Variants in ZNF469 observed in about 807,000 individuals in gnomAD.
ZNF469 encodes zinc finger protein 469.
In ZNF469, 1 loss-of-function variant was observed where a neutral mutation model predicts 1.0. That is an observed-to-expected ratio of 1.00 (90% CI 0.35 to 4.73). ZNF469 has a LOEUF of 4.73. Among genes scored for constraint, ZNF469 ranks in the 30% most tolerant of loss-of-function variants. The probability of loss-of-function intolerance (pLI) is 0.16; values close to 1 mark genes in which losing one functional copy is unlikely to be tolerated. For missense variants in ZNF469, 6,100 were observed against 5,356.3 expected (o/e 1.14, Z -4.33); for synonymous variants, 2,703 against 2,363.4 (o/e 1.14, Z -4.17).
chr16:88,337,521 C>T, the ZNF469 span, among the ~76,000 whole-genome samples: 11 of 152,308 alleles, frequency 7.2e-5, no homozygotes, highest in East Asian at 1.9e-4. Flanking sequence ...TTTGCACGGA[C>T]GTGTTTTCAA....
the ZNF469 span, among the ~76,000 whole-genome samples, chr16:88,190,325 G>T: frequency 6.6e-6 from 1 of 152,262 alleles, no homozygotes; most frequent in Non-Finnish European, 1.5e-5. Context: ...ACTTGCCTGG[G>T]TAGTGGCTGA....
chr16:88,138,150 A>T, the ZNF469 span, among the ~76,000 whole-genome samples: 4 of 152,248 alleles, frequency 2.6e-5, no homozygotes, highest in South Asian at 6.2e-4. Context: ...AGAATGTTCC[A>T]TGGACTCTTT....
At chr16:88,322,765 C>T in the ZNF469 span, among the ~76,000 whole-genome samples, 3 of 152,204 alleles carry the variant, frequency 2.0e-5, no homozygotes, top group Non-Finnish European at 4.4e-5. Context: ...AGGCCCTCCC[C>T]GTGCCCACCC....
chr16:88,129,324 C>T, the ZNF469 span, among the ~76,000 whole-genome samples: 10 of 152,284 alleles, frequency 6.6e-5, no homozygotes, highest in African/African-American at 9.6e-5. Flanking sequence ...CGGGGTCTGG[C>T]GGGCAGGAGG....
chr16:88,337,316 T>C, the ZNF469 span, among the ~76,000 whole-genome samples: 1 of 152,210 alleles, frequency 6.6e-6, no homozygotes, highest in Non-Finnish European at 1.5e-5. Context: ...CTGATGGTTT[T>C]ATAGGGGAGC....
At chr16:88,292,590 C>T in the ZNF469 span, among the ~76,000 whole-genome samples, 4 of 151,642 alleles carry the variant, frequency 2.6e-5, no homozygotes, top group Admixed American at 6.6e-5. Flanking sequence ...ACAGCTAAGT[C>T]GGGTGGGTGG....
At chr16:88,378,295 C>G (rs1038836114), upstream of ZNF469, among the ~76,000 whole-genome samples, 16 of 152,208 alleles carry the variant, frequency 1.1e-4, no homozygotes, top group African/African-American at 3.9e-4. Flanking sequence ...TCTGCAGCAT[C>G]CAGACCCAAA....
At chr16:88,249,423 CTTTTTCT>C in the ZNF469 span, among the ~76,000 whole-genome samples, 444 of 61,764 alleles carry the variant, frequency 7.2e-3, no homozygotes, top group African/African-American at 0.028. Context: ...CTTTCTTTTT[CTTTTTCT>C]TTTTTTTTTT....
rs893493828 is a variant in ZNF469 at position 88,436,829 on chromosome 16, G to T, written c.9359G>T (p.Cys3120Phe). Reference sequence around the variant, plus strand: ...CGGGCCTCCTACAAGTGCAAAGTGTGCTTCCAGCGCTTCCGCAGCCTGGGC... The same window carrying T: ...CGGGCCTCCTACAAGTGCAAAGTGTTCTTCCAGCGCTTCCGCAGCCTGGGC... ...GRRASYKCKV[C>F]FQRFRSLGEL... The change falls in exon 3 of 3, where the codon TGC (cysteine) becomes TTC (phenylalanine). Residue 3120 changes from cysteine to phenylalanine, a missense_variant. Coordinates refer to ENST00000565624, the MANE Select transcript of ZNF469 (RefSeq NM_001367624.2). 6.5e-6 allele frequency: 10 copies of T among 1,535,466 alleles called. No individual in the cohort carries two copies. Among genetic ancestry groups the T allele is most frequent in the African/African-American group, 4.1e-5 (3 of 72,952 alleles).
At position 88,424,723 on chromosome 16, in the gene ZNF469, C is replaced by G. The variant is rs1014561247; in HGVS notation, c.-191-84C>G. Among the ~76,000 whole-genome samples, 2 of 152,112 alleles carry G rather than the reference C, an allele frequency of 1.3e-5. No homozygotes were observed. Among genetic ancestry groups the G allele is most frequent in the African/African-American group, 4.8e-5 (2 of 41,420 alleles). ...CAGCCGGCTCTGCCCAGGAGCCGCT[C>G]CCTCCCACCTGGCTTCTCCTCGGGC... On this transcript the variant is annotated intron_variant, in intron 1 of 2. Transcript: ENST00000565624. The surrounding 1 kb of genome is among the most constrained non-coding windows in gnomAD (Gnocchi z 4.3).
the ZNF469 span, among the ~76,000 whole-genome samples, chr16:88,105,412 CTCCT>C: frequency 1.3e-5 from 2 of 150,758 alleles, no homozygotes; most frequent in Non-Finnish European, 2.9e-5. Context: ...TCAAGGGATT[CTCCT>C]GTCTCAGTCT....
chr16:88,223,990 A>C, the ZNF469 span, among the ~76,000 whole-genome samples: 1 of 152,160 alleles, frequency 6.6e-6, no homozygotes, highest in Non-Finnish European at 1.5e-5. Flanking sequence ...TTAGTTTTCC[A>C]TTCGCCCAGT....
Position 88,429,826 on chromosome 16 carries a change from G to T in ZNF469, c.2356G>T (p.Ala786Ser). 6.5e-7 allele frequency: 1 copy of T among 1,546,366 alleles called. No individual in the cohort carries two copies. The highest frequency in any genetic ancestry group is 1.2e-5 in the South Asian group (1 of 83,988). ...PPAAPRVPADAHAGLLSHAKT... is the reference protein window; with the variant it reads ...PPAAPRVPADSHAGLLSHAKT... ...CGCTGCCCCCAGAGTCCCTGCCGAC[G>T]CACACGCGGGCTTGCTCAGCCACGC... Residue 786 changes from alanine to serine, a missense_variant, in exon 3 of 3, where the codon GCA (alanine) becomes TCA (serine). Coordinates refer to ENST00000565624, the MANE Select transcript of ZNF469 (RefSeq NM_001367624.2).
At chr16:88,272,343 T>G in the ZNF469 span, among the ~76,000 whole-genome samples, 1 of 127,472 alleles carries the variant, frequency 7.8e-6, no homozygotes. Context: ...GATGGGTGGA[T>G]GAATGAGTGG....
the ZNF469 span, among the ~76,000 whole-genome samples, chr16:88,245,803 C>A: frequency 6.6e-6 from 1 of 152,280 alleles, no homozygotes; most frequent in South Asian, 2.1e-4. Context: ...CCACCAGACA[C>A]TAGAACAAAG....
chr16:88,137,661 G>A, the ZNF469 span, among the ~76,000 whole-genome samples: 1 of 152,240 alleles, frequency 6.6e-6, no homozygotes, highest in Non-Finnish European at 1.5e-5. Flanking sequence ...ACCACCATGT[G>A]TGCCTGTAAC....
upstream of ZNF469, among the ~76,000 whole-genome samples, chr16:88,381,495 G>A (rs908045889): frequency 6.6e-6 from 1 of 152,208 alleles, no homozygotes; most frequent in East Asian, 1.9e-4. Context: ...GAAACGAGAA[G>A]GAAGGAAACG....
chr16:88,152,916 G>C, the ZNF469 span, among the ~76,000 whole-genome samples: 5 of 152,288 alleles, frequency 3.3e-5, no homozygotes, highest in East Asian at 7.7e-4. The surrounding 1 kb of genome is among the most constrained non-coding windows in gnomAD (Gnocchi z 4.2). Context: ...TCTGTCAAGG[G>C]GATCAGCTCC....
At position 88,437,464 on chromosome 16, in the gene ZNF469, T is replaced by C; in HGVS notation, c.9994T>C (p.Cys3332Arg). The change falls in exon 3 of 3, where the codon TGC becomes CGC. Residue 3332 changes from cysteine to arginine, a missense_variant. By Grantham distance (180) the Cys-to-Arg change is radical. Transcript: ENST00000565624. ...GCAAGCCACCCCGGTGCACGAGGCC[T>C]GCAAGGACCCCTCCCGCGACTGCCA... ...LLQATPVHEA[C>R]KDPSRDCHHC... 6.5e-7 allele frequency: 1 copy of C among 1,533,140 alleles called. No individual in the cohort carries two copies. The highest frequency in any genetic ancestry group is 8.8e-7 in the Non-Finnish European group (1 of 1,136,180). 95.0% of individuals were successfully genotyped at this position (1,533,140 alleles called of 1,614,324 possible).
Sources: allele counts gnomAD v4.1 joint callset (sites outside exome capture counted in the v4.1 genomes callset), GRCh38; gene constraint gnomAD v4.1.1; non-coding constraint Gnocchi (gnomAD v3.1); transcripts MANE v1.5; gene names NCBI Gene and HGNC (gene_info 2026-07-23, HGNC 2026-07-21).